Variants in CNTN4 observed in about 807,000 individuals in gnomAD.
CNTN4 encodes contactin 4.
CNTN4 carries 77 observed loss-of-function variants against 122.5 expected under a neutral mutation model. The ratio of observed to expected loss-of-function variants is 0.63; its 90% CI spans 0.52 to 0.76. The LOEUF is 0.76. Among genes scored for constraint, CNTN4 ranks in the 30% least tolerant of loss-of-function variants. The pLI is 0.00. For missense variants in CNTN4, 1,256 were observed against 1,259.1 expected, an observed-to-expected ratio of 1.00 and a Z score of 0.04; for synonymous variants, 512 against 447.0, an observed-to-expected ratio of 1.15 and a Z score of -1.83.
At chr3:2,378,259 C>G (rs968355412) in intron 3 of CNTN4, among the ~76,000 whole-genome samples, 1 of 152,148 alleles carries the variant, frequency 6.6e-6, no homozygotes, top group Non-Finnish European at 1.5e-5. Context: ...CACAGTTATT[C>G]GGGGATGCAG....
chr3:2,924,854 C>T (rs940754971), intron 12 of CNTN4, among the ~76,000 whole-genome samples: 2 of 152,030 alleles, frequency 1.3e-5, no homozygotes, highest in African/African-American at 4.8e-5. Context: ...TCAGCATGTT[C>T]TCTAATAGAG....
At chr3:2,744,489 A>C (rs1201892980) in intron 5 of CNTN4, among the ~76,000 whole-genome samples, 1 of 152,208 alleles carries the variant, frequency 6.6e-6, no homozygotes, top group Non-Finnish European at 1.5e-5. Context: ...GTGCTGCTGT[A>C]TCTCTTAATT....
At chr3:2,328,411 AT>A (rs1207648899) in intron 2 of CNTN4, among the ~76,000 whole-genome samples, 4 of 152,206 alleles carry the variant, frequency 2.6e-5, no homozygotes, top group East Asian at 3.9e-4. Flanking sequence ...GTCTCAAAAA[AT>A]AAAAAAATAA....
intron 3 of CNTN4, among the ~76,000 whole-genome samples, chr3:2,493,887 T>G (rs1369118087): frequency 2.0e-5 from 3 of 152,114 alleles, no homozygotes; most frequent in Non-Finnish European, 4.4e-5. Flanking sequence ...TGACTGGAGC[T>G]TTAGTGGCTA....
chr3:2,499,193 C>A (rs1428884958), intron 3 of CNTN4, among the ~76,000 whole-genome samples: 2 of 152,120 alleles, frequency 1.3e-5, no homozygotes, highest in Non-Finnish European at 2.9e-5. Flanking sequence ...ATATTTAAGT[C>A]CATGATCTAT....
rs1174738771 is a variant in CNTN4 at position 2,238,864 on chromosome 3, A to T, written c.-144-100314A>T. ...CGCCTCAGCCTCCCGAGTAGCTGGGACTACAGGCGCCGCCACCACGCCTGG... is the reference window on the plus strand; with the variant it reads ...CGCCTCAGCCTCCCGAGTAGCTGGGTCTACAGGCGCCGCCACCACGCCTGG... On this transcript the variant is annotated intron_variant, in intron 2 of 24. Coordinates refer to ENST00000418658, the MANE Select transcript of CNTN4 (RefSeq NM_175607.3). The T allele has an allele frequency of 4.3e-5, 3 of 70,504 alleles. 1 individual carries two copies. The highest frequency in any genetic ancestry group is 6.1e-5 in the Non-Finnish European group (2 of 33,036). 4.4% of individuals were successfully genotyped at this position (70,504 alleles called of 1,614,324 possible). A position where few individuals can be genotyped will look rare whatever the true frequency, so the allele number is the denominator to read the frequency against.
intron 6 of CNTN4, among the ~76,000 whole-genome samples, chr3:2,776,408 T>G (rs2091319760): frequency 6.6e-6 from 1 of 151,572 alleles, no homozygotes; most frequent in Non-Finnish European, 1.5e-5. Flanking sequence ...AGTCAAGGGG[T>G]CCTCTATCTC....
intron 6 of CNTN4, among the ~76,000 whole-genome samples, chr3:2,759,486 T>C: frequency 6.6e-6 from 1 of 152,260 alleles, no homozygotes; most frequent in East Asian, 1.9e-4. Context: ...TATGCAGTTA[T>C]ATGGATGTAA....
chr3:2,876,098 A>G (rs999756996), intron 8 of CNTN4, among the ~76,000 whole-genome samples: 2 of 152,202 alleles, frequency 1.3e-5, no homozygotes, highest in African/African-American at 4.8e-5. Context: ...CATCTCTCAC[A>G]GGTTTCTGAG....
chr3:2,409,118 C>T (rs2047137504), intron 3 of CNTN4, among the ~76,000 whole-genome samples: 1 of 151,968 alleles, frequency 6.6e-6, no homozygotes, highest in Non-Finnish European at 1.5e-5. Flanking sequence ...AAAATTATAG[C>T]TTTGGAATCA....
At chr3:2,586,697 T>C (rs1473568552) in intron 4 of CNTN4, among the ~76,000 whole-genome samples, 2 of 152,242 alleles carry the variant, frequency 1.3e-5, no homozygotes, top group Non-Finnish European at 2.9e-5. Flanking sequence ...CCTCCTCAGT[T>C]ACTGATTTGC....
In CNTN4 at chr3:2,299,225, A is replaced by G. The variant is rs191314527; in HGVS notation, c.-144-39953A>G. Among the ~76,000 whole-genome samples, 236 of 152,348 alleles carry G rather than the reference A, an allele frequency of 1.5e-3. 1 individual carries two copies. Among genetic ancestry groups the G allele is most frequent in the African/African-American group, 5.4e-3 (224 of 41,592 alleles). On this transcript the variant is annotated intron_variant, in intron 2 of 24. Coordinates refer to ENST00000418658, the MANE Select transcript of CNTN4 (RefSeq NM_175607.3). ...AAATTAAACACTTGAGCAGATTAACAAAACACATTATAAAATTTGGATTAT... is the reference window on the plus strand; with the variant it reads ...AAATTAAACACTTGAGCAGATTAACGAAACACATTATAAAATTTGGATTAT...
intron 2 of CNTN4, among the ~76,000 whole-genome samples, chr3:2,329,314 A>G (rs1249825760): frequency 6.6e-6 from 1 of 152,196 alleles, no homozygotes; most frequent in Non-Finnish European, 1.5e-5. Context: ...CACTTATGTC[A>G]GTGGAAATGT....
chr3:2,864,149 G>A (rs1202608949), intron 7 of CNTN4, among the ~76,000 whole-genome samples: 1 of 152,164 alleles, frequency 6.6e-6, no homozygotes, highest in Non-Finnish European at 1.5e-5. Flanking sequence ...AATTCAAAGT[G>A]CTTTCACATA....
intron 3 of CNTN4, among the ~76,000 whole-genome samples, chr3:2,513,881 A>C (rs1312630416): frequency 6.6e-6 from 1 of 152,176 alleles, no homozygotes; most frequent in African/African-American, 2.4e-5. Flanking sequence ...TTCTAAAGCC[A>C]TAACAATTTG....
At chr3:2,951,681 C>T (rs1035243132) in intron 13 of CNTN4, among the ~76,000 whole-genome samples, 2 of 152,192 alleles carry the variant, frequency 1.3e-5, no homozygotes, top group Non-Finnish European at 2.9e-5. Context: ...AGGTTTCAGT[C>T]GTTCATATGT....
At chr3:2,518,262 C>T (rs971173354) in intron 3 of CNTN4, among the ~76,000 whole-genome samples, 1 of 152,026 alleles carries the variant, frequency 6.6e-6, no homozygotes, top group African/African-American at 2.4e-5. Flanking sequence ...CGCATCTAGG[C>T]TAAGATCTTT....
chr3:2,608,900 A>C (rs2081367590), intron 4 of CNTN4, among the ~76,000 whole-genome samples: 1 of 152,202 alleles, frequency 6.6e-6, no homozygotes, highest in Non-Finnish European at 1.5e-5. Flanking sequence ...TCATAGGCCA[A>C]ATATTCTCTC....
intron 4 of CNTN4, among the ~76,000 whole-genome samples, chr3:2,674,267 G>GT (rs1006446703): frequency 3.3e-4 from 50 of 150,558 alleles, no homozygotes; most frequent in African/African-American, 8.1e-4. Flanking sequence ...TCCTCATCAC[G>GT]TTTTTTTTTA....
Sources: gnomAD v4.1 joint callset for allele counts (sites outside exome capture counted in the v4.1 genomes callset) on GRCh38, gnomAD v4.1.1 for gene constraint, MANE v1.5 for transcripts, NCBI Gene and HGNC (gene_info 2026-07-23, HGNC 2026-07-21) for gene names.